The following ZHX2 variants were observed in gnomAD, a reference collection of about 807,000 sequenced individuals.
ZHX2 encodes the protein zinc fingers and homeoboxes protein 2.
ZHX2 carries 6 observed loss-of-function variants against 21.9 expected under a neutral mutation model. The observed-to-expected ratio is 0.27, with a 90% CI of 0.15 to 0.54. The LOEUF is 0.54. Among genes scored for constraint, ZHX2 ranks in the 20% least tolerant of loss-of-function variants. The pLI is 0.95. For missense variants in ZHX2, 908 were observed against 1,090.7 expected (o/e 0.83, Z 2.36); for synonymous variants, 434 against 437.1 (o/e 0.99, Z 0.09).
intron 3 of ZHX2, among the ~76,000 whole-genome samples, chr8:122,955,611 C>G (rs191258662): frequency 1.6e-4 from 25 of 152,184 alleles, no homozygotes; most frequent in Non-Finnish European, 2.9e-4. Context: ...AGAATGCCAT[C>G]ATGTTCCATT....
chr8:122,788,233 A>G (rs1010807308), intron 1 of ZHX2, among the ~76,000 whole-genome samples: 3 of 152,238 alleles, frequency 2.0e-5, no homozygotes, highest in Non-Finnish European at 4.4e-5. Flanking sequence ...TGAGGAGTAA[A>G]TTGAGAGTGG....
chr8:122,811,042 A>G (rs1817917327), intron 1 of ZHX2, among the ~76,000 whole-genome samples: 2 of 152,198 alleles, frequency 1.3e-5, no homozygotes, highest in South Asian at 4.1e-4. Flanking sequence ...CCAGGTTCAG[A>G]ATCAGTGGAG....
intron 3 of ZHX2, among the ~76,000 whole-genome samples, chr8:122,960,812 G>A (rs1230263429): frequency 6.6e-6 from 1 of 152,148 alleles, no homozygotes; most frequent in East Asian, 1.9e-4. Context: ...TGTCTCACCA[G>A]TAAAGGAGAT....
intron 2 of ZHX2, among the ~76,000 whole-genome samples, chr8:122,869,806 TCTAA>T (rs1312916186): frequency 1.3e-5 from 2 of 152,256 alleles, no homozygotes; most frequent in Non-Finnish European, 2.9e-5. Context: ...GGATGAGTTA[TCTAA>T]CTTCCATGTG....
intron 1 of ZHX2, among the ~76,000 whole-genome samples, chr8:122,862,028 G>A (rs1298525521): frequency 6.6e-6 from 1 of 152,182 alleles, no homozygotes; most frequent in Non-Finnish European, 1.5e-5. Context: ...CTTCAGGAAG[G>A]AGGCCCAGAA....
intron 1 of ZHX2, among the ~76,000 whole-genome samples, chr8:122,785,384 A>T (rs1333401349): frequency 2.6e-5 from 4 of 152,198 alleles, no homozygotes; most frequent in Admixed American, 2.0e-4. Flanking sequence ...TGCCATGCTT[A>T]GAGTGGAGGC....
chr8:122,840,806 A>C (rs1818606481), intron 1 of ZHX2, among the ~76,000 whole-genome samples: 1 of 151,990 alleles, frequency 6.6e-6, no homozygotes, highest in Non-Finnish European at 1.5e-5. Flanking sequence ...GAACAATTAA[A>C]CCTCTCCCCA....
At chr8:122,909,177 T>C (rs1820416872) in intron 2 of ZHX2, among the ~76,000 whole-genome samples, 1 of 152,136 alleles carries the variant, frequency 6.6e-6, no homozygotes, top group Non-Finnish European at 1.5e-5. Flanking sequence ...ATGCCTGTAA[T>C]CCCAGCAGTT....
Position 122,951,982 on chromosome 8 carries a change from A to C in ZHX2, c.472A>C (p.Thr158Pro). Residue 158 changes from threonine to proline, a missense_variant, in exon 3 of 4, where the codon ACC becomes CCC. Physicochemically the swap from Thr to Pro is conservative, Grantham distance 38. Coordinates refer to ENST00000314393, the MANE Select transcript of ZHX2 (RefSeq NM_014943.5). ...NQTVLEQSIE[T>P]TNHVVSITTS... The stretch of plus-strand genomic sequence containing the variant: ...AACTGTCTTGGAACAGTCCATCGAA[A>C]CCACCAACCATGTCGTGTCCATCAC... The C allele has an allele frequency of 6.2e-7, 1 of 1,613,808 alleles. No individual in the cohort carries two copies. The highest frequency in any genetic ancestry group is 1.1e-5 in the South Asian group (1 of 91,040).
intron 2 of ZHX2, among the ~76,000 whole-genome samples, chr8:122,925,550 C>G (rs750008408): frequency 9.9e-5 from 15 of 152,146 alleles, no homozygotes; most frequent in Non-Finnish European, 1.5e-4. Flanking sequence ...AACAATCTGA[C>G]AGAGGGAATC....
chr8:122,824,361 A>G (rs1818217314), intron 1 of ZHX2, among the ~76,000 whole-genome samples: 1 of 152,226 alleles, frequency 6.6e-6, no homozygotes, highest in South Asian at 2.1e-4. Context: ...TAGAACAAAC[A>G]GGGCCTAGGA....
intron 1 of ZHX2, chr8:122,815,335 A>G (rs1406252227): frequency 6.6e-6 from 1 of 152,272 alleles, no homozygotes; most frequent in Non-Finnish European, 1.5e-5. Flanking sequence ...AAAAGTGAAT[A>G]TAAGAATAAT....
chr8:122,889,811 T>C (rs529891522), intron 2 of ZHX2, among the ~76,000 whole-genome samples: 53 of 152,232 alleles, frequency 3.5e-4, no homozygotes, highest in African/African-American at 1.2e-3. Flanking sequence ...GACTCAAATA[T>C]ATGCAGATTT....
chr8:122,843,519 G>A lies in ZHX2; in HGVS notation c.-282-19958G>A, dbSNP rs556390728. Among the ~76,000 whole-genome samples the A allele has an allele frequency of 5.3e-5, 8 of 152,344 alleles. No individual in the cohort carries two copies. The East Asian group carries it at 1.3e-3, about 26-fold the overall frequency. On this transcript the variant is annotated intron_variant, in intron 1 of 3. Transcript: ENST00000314393. ...GGTAGTGGCCTTTGGCCCCCACCGT[G>A]AGACAGCACTGCTGAGTGCTCACTT...
chr8:122,816,828 G>A (rs774377508), intron 1 of ZHX2, among the ~76,000 whole-genome samples: 1 of 152,096 alleles, frequency 6.6e-6, no homozygotes, highest in Non-Finnish European at 1.5e-5. Flanking sequence ...GTCAGACTGG[G>A]CTAACAGCTG....
At chr8:122,929,870 A>C (rs1820941754) in intron 2 of ZHX2, among the ~76,000 whole-genome samples, 1 of 152,286 alleles carries the variant, frequency 6.6e-6, no homozygotes, top group South Asian at 2.1e-4. Flanking sequence ...TAGCTTTTGA[A>C]ATTGACTAAT....
chr8:122,928,479 A>G (rs1201883971), intron 2 of ZHX2, among the ~76,000 whole-genome samples: 1 of 152,066 alleles, frequency 6.6e-6, no homozygotes, highest in Non-Finnish European at 1.5e-5. Flanking sequence ...GTCTTGGGAG[A>G]TGAGTTGGGA....
At chr8:122,947,092 CAAAAAA>C (rs57090731) in intron 2 of ZHX2, among the ~76,000 whole-genome samples, 4,410 of 67,288 alleles carry the variant, frequency 0.066, 90 homozygotes, top group Middle Eastern at 0.24. Flanking sequence ...CCTGTCTTTG[CAAAAAA>C]AAAAAAAAAA....
intron 1 of ZHX2, among the ~76,000 whole-genome samples, chr8:122,833,774 A>G (rs1047860533): frequency 1.4e-4 from 22 of 152,160 alleles, no homozygotes; most frequent in African/African-American, 5.3e-4. Flanking sequence ...AGGCGGGTGG[A>G]TCACGAGGTC....
Sources: allele counts gnomAD v4.1 joint callset (sites outside exome capture counted in the v4.1 genomes callset), GRCh38; gene constraint gnomAD v4.1.1; transcripts MANE v1.5; gene names NCBI Gene and HGNC (gene_info 2026-07-23, HGNC 2026-07-21).